The following BFSP1 variants were observed in gnomAD, a reference collection of about 807,000 sequenced individuals.
BFSP1 encodes the protein beaded filament structural protein 1.
A neutral mutation model predicts 43.9 loss-of-function variants in BFSP1; 38 were observed. That is an observed-to-expected ratio of 0.87 (90% confidence interval 0.67 to 1.14). The LOEUF (loss-of-function observed/expected upper bound fraction) is 1.14, where lower values mean the gene tolerates loss of function less well. Ranked by LOEUF, BFSP1 falls within the 50% of genes most tolerant of loss-of-function variation. BFSP1 has a pLI of 0.00. For synonymous variants in BFSP1, 352 were observed against 354.8 expected (o/e 0.99, Z 0.09); for missense variants, 850 against 875.1 (o/e 0.97, Z 0.36).
intron 1 of BFSP1, chr20:17,565,975 G>C (rs146250583): frequency 1.3e-5 from 2 of 152,074 alleles, no homozygotes; most frequent in African/African-American, 4.8e-5. Context: ...AAAATTAGTT[G>C]GGCATGGTGG....
chr20:17,535,127 GAATATA>G (rs1445225756), upstream of BFSP1, among the ~76,000 whole-genome samples: 1 of 152,122 alleles, frequency 6.6e-6, no homozygotes, highest in Non-Finnish European at 1.5e-5. Context: ...AACAAAATTA[GAATATA>G]AATAGTAGAT....
At chr20:17,522,745 T>C (rs1600659512) in intron 2 of BFSP1, among the ~76,000 whole-genome samples, 1 of 152,310 alleles carries the variant, frequency 6.6e-6, no homozygotes, top group African/African-American at 2.4e-5. Context: ...GGGCAAGTCA[T>C]ATACATTATT....
intron 1 of BFSP1, among the ~76,000 whole-genome samples, chr20:17,566,751 T>C (rs1254834393): frequency 6.6e-6 from 1 of 151,986 alleles, no homozygotes; most frequent in Non-Finnish European, 1.5e-5. Context: ...GCCTCCTGGG[T>C]TCAAGCAATT....
At chr20:17,505,805 C>T (rs2033922363) in intron 5 of BFSP1, among the ~76,000 whole-genome samples, 1 of 152,138 alleles carries the variant, frequency 6.6e-6, no homozygotes, top group South Asian at 2.1e-4. Flanking sequence ...TGCAGCATCC[C>T]GGGCCACACC....
intron 4 of BFSP1, among the ~76,000 whole-genome samples, chr20:17,509,632 G>C (rs2034027678): frequency 6.6e-6 from 1 of 152,126 alleles, no homozygotes; most frequent in Non-Finnish European, 1.5e-5. Flanking sequence ...TCCCTTCTGT[G>C]AAAGGGAAAA....
intron 1 of BFSP1, chr20:17,565,478 T>C (rs2122135094): frequency 6.6e-6 from 1 of 152,330 alleles, no homozygotes; most frequent in Middle Eastern, 3.4e-3. Context: ...AAAAGTTAAA[T>C]GAATGAACAG....
chr20:17,558,396 C>A (rs549645428), intron 1 of BFSP1, among the ~76,000 whole-genome samples: 1 of 152,272 alleles, frequency 6.6e-6, no homozygotes, highest in Non-Finnish European at 1.5e-5. Context: ...AGAATCCAGG[C>A]CTTGCGTGCT....
intron 1 of BFSP1, among the ~76,000 whole-genome samples, chr20:17,545,369 G>A (rs2034783060): frequency 6.6e-6 from 1 of 152,190 alleles, no homozygotes; most frequent in Admixed American, 6.5e-5. Context: ...CAACAAGGCT[G>A]TAAATTAATT....
intron 4 of BFSP1, among the ~76,000 whole-genome samples, chr20:17,510,815 G>C (rs779235859): frequency 2.6e-5 from 4 of 152,158 alleles, no homozygotes; most frequent in African/African-American, 7.2e-5. Flanking sequence ...CCAGGGTTGA[G>C]AGCCACCATC....
intron 1 of BFSP1, among the ~76,000 whole-genome samples, chr20:17,541,824 A>G (rs2034723285): frequency 6.6e-6 from 1 of 152,204 alleles, no homozygotes; most frequent in Admixed American, 6.5e-5. Flanking sequence ...AGAGCCACAG[A>G]GCTGTGAGTG....
chr20:17,521,857 C>T (rs930632860), intron 2 of BFSP1, among the ~76,000 whole-genome samples: 31 of 151,520 alleles, frequency 2.0e-4, no homozygotes, highest in African/African-American at 7.5e-4. Flanking sequence ...GCTGGGGTCC[C>T]TCTGAGGGAC....
At chr20:17,548,073 G>A (rs2034835008) in intron 1 of BFSP1, among the ~76,000 whole-genome samples, 1 of 150,486 alleles carries the variant, frequency 6.6e-6, no homozygotes, top group African/African-American at 2.4e-5. Flanking sequence ...TATGGAAACG[G>A]GGGAAAAACA....
At chr20:17,553,838 C>CATATATAT (rs2034941682) in intron 1 of BFSP1, among the ~76,000 whole-genome samples, 3 of 84,644 alleles carry the variant, frequency 3.5e-5, no homozygotes, top group Non-Finnish European at 6.4e-5. Flanking sequence ...TATATATATA[C>CATATATAT]ACATATATAT....
chr20:17,531,453 C>A, upstream of BFSP1: 3 of 1,190,756 alleles, frequency 2.5e-6, no homozygotes, highest in Non-Finnish European at 2.1e-6. Context: ...GTTCCAGAGC[C>A]GATCAGCAGT....
At chr20:17,548,557 T>C (rs1474819940) in intron 1 of BFSP1, among the ~76,000 whole-genome samples, 1 of 152,212 alleles carries the variant, frequency 6.6e-6, no homozygotes, top group Non-Finnish European at 1.5e-5. Context: ...CTTGGGGTTC[T>C]TGGGCCATTA....
intron 4 of BFSP1, among the ~76,000 whole-genome samples, chr20:17,509,733 G>A (rs1237313885): frequency 1.3e-5 from 2 of 152,200 alleles, no homozygotes; most frequent in Non-Finnish European, 2.9e-5. Flanking sequence ...CAAAGCAGGA[G>A]CCATCAGCCC....
chr20:17,531,404 C>G (rs978756517), upstream of BFSP1: 112 of 1,270,458 alleles, frequency 8.8e-5, no homozygotes, highest in Non-Finnish European at 3.5e-5. Context: ...CCGCAGCCCG[C>G]TAAATAAACA....
intron 1 of BFSP1, among the ~76,000 whole-genome samples, chr20:17,566,201 G>C (rs928979847): frequency 6.6e-6 from 1 of 151,320 alleles, no homozygotes; most frequent in African/African-American, 2.4e-5. Flanking sequence ...AGAGGGAGGA[G>C]TTAAAAGTTT....
rs149872172 is a variant in BFSP1 at position 17,525,336 on chromosome 20, C to T, written c.378-428G>A. 6.6e-6 allele frequency among the ~76,000 whole-genome samples: 1 copy of T among 152,208 alleles called. No individual in the cohort carries two copies. The highest frequency in any genetic ancestry group is 2.4e-5 in the African/African-American group (1 of 41,442). On this transcript the variant is annotated intron_variant, in intron 1 of 7. Transcript: ENST00000377873. The surrounding 1 kb of genome is among the most constrained non-coding windows in gnomAD (Gnocchi z 4.2). ...TTTCCTATAGTATTTTATTTGCTGA[C>T]ACATGTAATTTGTCAGTTTTTCTGG...
Sources: gnomAD v4.1 joint callset for allele counts (sites outside exome capture counted in the v4.1 genomes callset) on GRCh38, gnomAD v4.1.1 for gene constraint, Gnocchi (gnomAD v3.1) non-coding constraint, MANE v1.5 for transcripts, NCBI Gene and HGNC (gene_info 2026-07-23, HGNC 2026-07-21) for gene names.